ERBB4: variants seen among roughly 807,000 people sequenced by gnomAD.
The protein encoded by ERBB4 is erb-b2 receptor tyrosine kinase 4, also known as receptor tyrosine-protein kinase erbB-4.
Under a neutral mutation model 158.0 loss-of-function variants are expected in ERBB4, and 42 were observed. The observed-to-expected ratio is 0.27, with a 90% CI of 0.21 to 0.34. ERBB4 has a LOEUF of 0.34. ERBB4 is among the 10% of genes least tolerant of loss of function. The probability of loss-of-function intolerance (pLI) is 1.00; values close to 1 mark genes in which losing one functional copy is unlikely to be tolerated. For synonymous variants in ERBB4, 583 were observed against 558.7 expected (o/e 1.04, Z -0.61); for missense variants, 1,333 against 1,624.1 (o/e 0.82, Z 3.08).
intron 19 of ERBB4, among the ~76,000 whole-genome samples, chr2:211,593,589 C>G (rs1174235914): frequency 2.0e-5 from 3 of 152,178 alleles, no homozygotes; most frequent in Admixed American, 1.3e-4. Flanking sequence ...TTGCATTATT[C>G]TAAGTATCTT....
At chr2:212,204,329 A>G (rs1180021905) in intron 1 of ERBB4, among the ~76,000 whole-genome samples, 1 of 152,134 alleles carries the variant, frequency 6.6e-6, no homozygotes, top group African/African-American at 2.4e-5. Flanking sequence ...TTTGTTTTAA[A>G]CTTAATGTGT....
intron 1 of ERBB4, among the ~76,000 whole-genome samples, chr2:212,339,477 T>C (rs1415114574): frequency 6.6e-6 from 1 of 152,172 alleles, no homozygotes; most frequent in Non-Finnish European, 1.5e-5. Context: ...GGTTTAACCC[T>C]AGGGTCAGGT....
At chr2:211,516,300 G>A (rs904559982) in intron 20 of ERBB4, among the ~76,000 whole-genome samples, 1 of 150,844 alleles carries the variant, frequency 6.6e-6, no homozygotes, top group Non-Finnish European at 1.5e-5. Context: ...TCTCTTTTGT[G>A]GGTTTGTTAA....
chr2:212,496,900 C>A (rs1690605331), intron 1 of ERBB4, among the ~76,000 whole-genome samples: 1 of 151,952 alleles, frequency 6.6e-6, no homozygotes, highest in Admixed American at 6.6e-5. Context: ...ATATTTTTAG[C>A]CAGGTGAGGT....
Position 211,379,374 on chromosome 2 carries a change from T to C in ERBB4, c.*4241A>G, listed in dbSNP as rs184268293. On this transcript the variant is annotated 3_prime_UTR_variant, in exon 28 of 28. Transcript: ENST00000342788. ...TTTAAAAAAATAAATAAATACAATTTTCTTTACATTTAAAAAGTGATAAAG... is the reference window on the plus strand; with the variant it reads ...TTTAAAAAAATAAATAAATACAATTCTCTTTACATTTAAAAAGTGATAAAG... 1,764 of 228,402 alleles carry C rather than the reference T, an allele frequency of 7.7e-3. 21 individuals are homozygous for C. The highest frequency in any genetic ancestry group is 0.021 in the South Asian group (114 of 5,486). 14.1% of individuals were successfully genotyped at this position (228,402 alleles called of 1,614,324 possible).
At chr2:211,858,184 C>G (rs984774) in intron 3 of ERBB4, among the ~76,000 whole-genome samples, 32,117 of 151,784 alleles carry the variant, frequency 0.21, 3,501 homozygotes, top group South Asian at 0.33. Flanking sequence ...GACAAGGAGA[C>G]AGAGTGCACA....
At chr2:212,537,099 G>C (rs1693116310) in intron 1 of ERBB4, among the ~76,000 whole-genome samples, 1 of 151,490 alleles carries the variant, frequency 6.6e-6, no homozygotes, top group Non-Finnish European at 1.5e-5. Context: ...TGAAAGACTC[G>C]ATAATTGTAA....
intron 3 of ERBB4, among the ~76,000 whole-genome samples, chr2:211,861,111 TTATATATATATTTTATATATATATATATA>T (rs2078023777): frequency 1.4e-4 from 3 of 21,532 alleles, no homozygotes; most frequent in African/African-American, 7.1e-4. Flanking sequence ...TTATATATAT[TTATATATATATTTTATATATATATATATA>T]TATATATATA....
chr2:211,877,275 A>G (rs1389356910), intron 3 of ERBB4, among the ~76,000 whole-genome samples: 1 of 152,204 alleles, frequency 6.6e-6, no homozygotes, highest in Non-Finnish European at 1.5e-5. Context: ...AGGTTGGATG[A>G]GCAATTAGAC....
intron 25 of ERBB4, among the ~76,000 whole-genome samples, chr2:211,392,756 C>T (rs1395398254): frequency 2.6e-5 from 4 of 152,012 alleles, no homozygotes; most frequent in Non-Finnish European, 5.9e-5. Context: ...GCAGTCTCTG[C>T]CTCCCGGGTT....
intron 14 of ERBB4, among the ~76,000 whole-genome samples, chr2:211,667,198 C>T: frequency 6.6e-6 from 1 of 152,034 alleles, no homozygotes; most frequent in East Asian, 1.9e-4. Flanking sequence ...GGCCAATGGG[C>T]TGCAGGTTGG....
chr2:211,709,226 C>CGT (rs138438050), intron 9 of ERBB4, among the ~76,000 whole-genome samples: 45,853 of 117,334 alleles, frequency 0.39, 9,337 homozygotes, highest in Non-Finnish European at 0.5. Flanking sequence ...TATATATATG[C>CGT]GTGTGTGTGT....
At chr2:211,709,387 A>T (rs930876201) in intron 9 of ERBB4, among the ~76,000 whole-genome samples, 1 of 151,264 alleles carries the variant, frequency 6.6e-6, no homozygotes, top group African/African-American at 2.4e-5. Flanking sequence ...ACCAAGACTA[A>T]AATAACTATT....
intron 25 of ERBB4, among the ~76,000 whole-genome samples, chr2:211,395,157 T>G (rs978369415): frequency 2.0e-5 from 3 of 152,132 alleles, no homozygotes; most frequent in Non-Finnish European, 4.4e-5. Flanking sequence ...CGCTTTTTCT[T>G]TCCTTTTTAA....
At chr2:212,353,561 C>T (rs1230949882) in intron 1 of ERBB4, among the ~76,000 whole-genome samples, 1 of 151,788 alleles carries the variant, frequency 6.6e-6, no homozygotes, top group Non-Finnish European at 1.5e-5. Flanking sequence ...AATTTGTACT[C>T]TAAATTTTCT....
intron 19 of ERBB4, among the ~76,000 whole-genome samples, chr2:211,607,136 T>C (rs1358532131): frequency 1.3e-5 from 2 of 152,142 alleles, no homozygotes; most frequent in Non-Finnish European, 2.9e-5. Flanking sequence ...TTATAACTTG[T>C]TTAAAAAAAT....
At chr2:212,474,822 CTTTT>C (rs539959668) in intron 1 of ERBB4, among the ~76,000 whole-genome samples, 2 of 94,406 alleles carry the variant, frequency 2.1e-5, no homozygotes, top group African/African-American at 1.2e-4. Flanking sequence ...CCCGGCCATT[CTTTT>C]TTTTTTTTTT....
At chr2:212,370,354 A>C (rs1336191213) in intron 1 of ERBB4, among the ~76,000 whole-genome samples, 1 of 152,186 alleles carries the variant, frequency 6.6e-6, no homozygotes. Context: ...ACCCAGTCTC[A>C]GATATTTCCT....
chr2:211,398,513 C>G (rs2062967576), intron 25 of ERBB4, among the ~76,000 whole-genome samples: 1 of 152,104 alleles, frequency 6.6e-6, no homozygotes, highest in South Asian at 2.1e-4. Context: ...TCCCTTCACT[C>G]CAATCTAATA....
Sources: gnomAD v4.1 joint callset for allele counts (sites outside exome capture counted in the v4.1 genomes callset) on GRCh38, gnomAD v4.1.1 for gene constraint, MANE v1.5 for transcripts, NCBI Gene and HGNC (gene_info 2026-07-23, HGNC 2026-07-21) for gene names.